WDR19: variants seen among roughly 807,000 people sequenced by gnomAD.
WDR19 encodes the protein WD repeat-containing protein 19.
A neutral mutation model predicts 180.0 loss-of-function variants in WDR19; 121 were observed. The observed-to-expected ratio is 0.67, with a 90% CI of 0.58 to 0.78. The LOEUF (loss-of-function observed/expected upper bound fraction) is 0.78, where lower values mean the gene tolerates loss of function less well. Ranked by LOEUF, WDR19 falls within the 30% of genes least tolerant of loss-of-function variation. The probability of loss-of-function intolerance (pLI) is 0.00; values close to 1 mark genes in which losing one functional copy is unlikely to be tolerated. For missense variants in WDR19, 1,450 were observed against 1,640.7 expected (o/e 0.88, Z 2.01); for synonymous variants, 497 against 540.7 (o/e 0.92, Z 1.12).
intron 28 of WDR19, among the ~76,000 whole-genome samples, chr4:39,263,101 C>T (rs1734457968): frequency 7.7e-6 from 1 of 129,634 alleles, no homozygotes; most frequent in South Asian, 2.6e-4. Context: ...CACCTCAAGG[C>T]TCTGAAATGC....
Position 39,228,503 on chromosome 4 carries a change from G to A in WDR19, c.1795G>A (p.Ala599Thr). 6.2e-7 allele frequency: 1 copy of A among 1,613,818 alleles called. No individual in the cohort carries two copies. The highest frequency in any genetic ancestry group is 8.5e-7 in the Non-Finnish European group (1 of 1,179,782). The change falls in exon 17 of 37, where the codon GCT becomes ACT. Residue 599 changes from alanine to threonine, a missense_variant. By Grantham distance (58) the Ala-to-Thr change is moderately conservative. Coordinates refer to ENST00000399820, the MANE Select transcript of WDR19 (RefSeq NM_025132.4). ...DTIQGAKVIL[A>T]GSTKVPFAHK... ...TAATGTAGGAGCCAAGGTTATTTTG[G>A]CTGGTAGCACCAAAGTTCCTTTTGC... is the stretch of plus-strand genomic sequence containing the variant.
chr4:39,210,510 C>G (rs1341094353), intron 9 of WDR19, among the ~76,000 whole-genome samples: 1 of 151,954 alleles, frequency 6.6e-6, no homozygotes, highest in African/African-American at 2.4e-5. Flanking sequence ...TAGCGAGACC[C>G]CATCTCTAAA....
In WDR19 at chr4:39,224,971, G is replaced by C. The variant is rs557405566; in HGVS notation, c.1567G>C (p.Asp523His). Residue 523 changes from aspartate (D) to histidine (H), a missense_variant, in exon 15 of 37, where the codon GAC (aspartate) becomes CAC (histidine). Coordinates refer to ENST00000399820, the MANE Select transcript of WDR19 (RefSeq NM_025132.4). ...TGTCAGTGTGAAAAAGATTTTTCCCGACCCAAATGGGACCAGATTAGTTTT... is the reference window on the plus strand; with the variant it reads ...TGTCAGTGTGAAAAAGATTTTTCCCCACCCAAATGGGACCAGATTAGTTTT... ...HPVSVKKIFPDPNGTRLVFID... is the reference protein window; with the variant it reads ...HPVSVKKIFPHPNGTRLVFID... 1 of 1,576,698 alleles carries C rather than the reference G, an allele frequency of 6.3e-7. No individual in the cohort carries two copies. The highest frequency in any genetic ancestry group is 8.6e-7 in the Non-Finnish European group (1 of 1,160,430).
chr4:39,278,016 T>G (rs1357884900), intron 34 of WDR19, 115 bp from the exon 35 acceptor site: 2 of 854,654 alleles, frequency 2.3e-6, no homozygotes, highest in Non-Finnish European at 3.7e-6. Context: ...AATGTGCCAC[T>G]GCACTCCAGC....
intron 17 of WDR19, among the ~76,000 whole-genome samples, chr4:39,231,167 C>G (rs572555158): frequency 6.6e-6 from 1 of 152,104 alleles, no homozygotes; most frequent in African/African-American, 2.4e-5. Flanking sequence ...AAAAATTAGC[C>G]GGGTGTCATG....
At chr4:39,251,815 C>T (rs1733223408) in intron 24 of WDR19, among the ~76,000 whole-genome samples, 2 of 152,166 alleles carry the variant, frequency 1.3e-5, no homozygotes, top group South Asian at 2.1e-4. Context: ...GAGATACCAT[C>T]TCACACCAGT....
intron 21 of WDR19, among the ~76,000 whole-genome samples, chr4:39,243,837 A>G (rs1229153696): frequency 6.6e-6 from 1 of 150,484 alleles, no homozygotes; most frequent in Non-Finnish European, 1.5e-5. Flanking sequence ...AATGAATTTA[A>G]CAATTACTAA....
At chr4:39,231,200 A>G (rs552895652) in intron 17 of WDR19, among the ~76,000 whole-genome samples, 9 of 151,712 alleles carry the variant, frequency 5.9e-5, no homozygotes, top group Non-Finnish European at 1.0e-4. Context: ...AGTCCCAGCT[A>G]TTCGGGAGGC....
intron 6 of WDR19, among the ~76,000 whole-genome samples, chr4:39,202,682 A>C (rs569215094): frequency 8.2e-6 from 1 of 122,240 alleles, no homozygotes; most frequent in Non-Finnish European, 2.0e-5. Flanking sequence ...ACAAAAGTAC[A>C]TATGCACTTA....
intron 9 of WDR19, among the ~76,000 whole-genome samples, chr4:39,207,658 T>C (rs1728090844): frequency 1.3e-5 from 2 of 152,324 alleles, no homozygotes; most frequent in South Asian, 4.1e-4. Flanking sequence ...TGACAATGTA[T>C]GTCAGTAAAT....
At chr4:39,237,242 G>C (rs187571811) in intron 20 of WDR19, among the ~76,000 whole-genome samples, 1 of 152,120 alleles carries the variant, frequency 6.6e-6, no homozygotes, top group African/African-American at 2.4e-5. Context: ...ATAAATTCGT[G>C]TTGTAGGAGT....
At chr4:39,220,215 G>A (rs760474551) in intron 14 of WDR19, among the ~76,000 whole-genome samples, 2 of 151,936 alleles carry the variant, frequency 1.3e-5, no homozygotes, top group South Asian at 2.1e-4. Flanking sequence ...GCAAGACCCC[G>A]TCTGAAAAGC....
At chr4:39,257,658 C>T in intron 28 of WDR19, 104 bp downstream of exon 28, 2 of 958,482 alleles carry the variant, frequency 2.1e-6, no homozygotes, top group Non-Finnish European at 3.2e-6. Flanking sequence ...GTATTACAAA[C>T]CCCTACATAC....
chr4:39,212,640 C>T lies in WDR19; in HGVS notation c.891-1961C>T, dbSNP rs538043985. 3.3e-5 allele frequency among the ~76,000 whole-genome samples: 5 copies of T among 152,028 alleles called. No homozygotes were observed. The South Asian group carries it at 1.0e-3, about 32-fold the overall frequency. ...AACCTTGACTCTGAAAATAAATAAA[C>T]AAATAAATAAGATGAAAAGATAAGC... On this transcript the variant is annotated intron_variant, in intron 9 of 36. Coordinates refer to ENST00000399820, the MANE Select transcript of WDR19 (RefSeq NM_025132.4).
intron 6 of WDR19, 55 bp from the exon 7 acceptor site, chr4:39,203,587 A>G: frequency 7.1e-7 from 1 of 1,413,856 alleles, no homozygotes; most frequent in South Asian, 1.2e-5. Context: ...ATTAATATTC[A>G]GAATGAATTT....
In WDR19 at chr4:39,260,289, G is replaced by A. The variant is rs971349300; in HGVS notation, c.3183+2735G>A. ...TAAAAACAACTTCATAGATGGTACC[G>A]TGTACTTCCTATTCTCATCACAGCA... is the stretch of plus-strand genomic sequence containing the variant. On this transcript the variant is annotated intron_variant, in intron 28 of 36. Transcript: ENST00000399820. Among the ~76,000 whole-genome samples the A allele has an allele frequency of 5.3e-5, 8 of 150,548 alleles. 1 individual carries two copies. The highest frequency in any genetic ancestry group is 1.7e-4 in the African/African-American group (7 of 40,900).
intron 14 of WDR19, among the ~76,000 whole-genome samples, chr4:39,219,772 C>T (rs1729456498): frequency 6.6e-6 from 1 of 152,182 alleles, no homozygotes; most frequent in Admixed American, 6.5e-5. Flanking sequence ...TACCCTAAAT[C>T]TCCAAATATT....
At chr4:39,273,994 T>C (rs1304380732) in intron 32 of WDR19, 1 of 152,266 alleles carries the variant, frequency 6.6e-6, no homozygotes, top group African/African-American at 2.4e-5. Context: ...ACTGCTCAAC[T>C]CTGCCATCTT....
intron 36 of WDR19, among the ~76,000 whole-genome samples, chr4:39,279,536 G>A (rs574726325): frequency 2.6e-5 from 4 of 152,106 alleles, no homozygotes; most frequent in African/African-American, 4.8e-5. Context: ...TCCTGCCTCA[G>A]GTCTGATTAC....
Sources: gnomAD v4.1 joint callset for allele counts (sites outside exome capture counted in the v4.1 genomes callset) on GRCh38, gnomAD v4.1.1 for gene constraint, MANE v1.5 for transcripts, NCBI Gene and HGNC (gene_info 2026-07-23, HGNC 2026-07-21) for gene names.